Variants in XKR9 observed in about 807,000 individuals in gnomAD.
XKR9 encodes the protein XK-related protein 9.
Under a neutral mutation model 32.0 loss-of-function variants are expected in XKR9, and 32 were observed. The ratio of observed to expected loss-of-function variants is 1.00; its 90% CI spans 0.76 to 1.34. XKR9 has a LOEUF of 1.34. XKR9 is among the 40% of genes most tolerant of loss of function. The probability of loss-of-function intolerance (pLI) is 0.00; values close to 1 mark genes in which losing one functional copy is unlikely to be tolerated. For synonymous variants in XKR9, 168 were observed against 143.4 expected, an observed-to-expected ratio of 1.17 and a Z score of -1.22; for missense variants, 546 against 429.7, an observed-to-expected ratio of 1.27 and a Z score of -2.39.
intron 2 of XKR9, among the ~76,000 whole-genome samples, chr8:70,747,112 GTAT>G (rs1196978575): frequency 6.6e-6 from 1 of 152,136 alleles, no homozygotes; most frequent in Non-Finnish European, 1.5e-5. Flanking sequence ...TGGCTGTGTA[GTAT>G]TCTGTGGTGT....
the XKR9 span, among the ~76,000 whole-genome samples, chr8:70,970,865 A>C: frequency 6.6e-6 from 1 of 152,200 alleles, no homozygotes; most frequent in African/African-American, 2.4e-5. Context: ...AGGAGCGTAA[A>C]TTAGTTCAAT....
At chr8:71,040,616 C>A in the XKR9 span, among the ~76,000 whole-genome samples, 1 of 152,090 alleles carries the variant, frequency 6.6e-6, no homozygotes, top group South Asian at 2.1e-4. Context: ...GTCAAAATTA[C>A]TTTCTCCGTG....
At chr8:70,932,013 T>A in the XKR9 span, among the ~76,000 whole-genome samples, 1 of 152,134 alleles carries the variant, frequency 6.6e-6, no homozygotes, top group African/African-American at 2.4e-5. Flanking sequence ...TGTTCTTGAT[T>A]CTGTTGAGTA....
the XKR9 span, among the ~76,000 whole-genome samples, chr8:71,053,482 T>C: frequency 1.3e-5 from 2 of 152,198 alleles, no homozygotes; most frequent in Non-Finnish European, 2.9e-5. Flanking sequence ...AGCAGTGTAA[T>C]ATTAGGAAAT....
At chr8:70,944,456 A>G in the XKR9 span, among the ~76,000 whole-genome samples, 3 of 152,340 alleles carry the variant, frequency 2.0e-5, no homozygotes, top group South Asian at 6.2e-4. Flanking sequence ...AATTACCAAG[A>G]AAGAGGAGTA....
downstream of XKR9, among the ~76,000 whole-genome samples, chr8:70,736,500 T>C (rs1806866338): frequency 6.6e-6 from 1 of 152,246 alleles, no homozygotes; most frequent in Non-Finnish European, 1.5e-5. Context: ...TTTTGGCTTT[T>C]GTTGCCATTG....
chr8:70,999,435 A>G, the XKR9 span, among the ~76,000 whole-genome samples: 2 of 152,320 alleles, frequency 1.3e-5, no homozygotes, highest in African/African-American at 4.8e-5. Context: ...CACTGCTGGC[A>G]TTTTAGACAG....
At chr8:70,894,555 G>A in the XKR9 span, among the ~76,000 whole-genome samples, 1 of 152,140 alleles carries the variant, frequency 6.6e-6, no homozygotes, top group Admixed American at 6.5e-5. Context: ...TGTTGCTTCT[G>A]CTCAGGCCTT....
At chr8:70,675,705 T>C (rs1818860940) in intron 2 of XKR9, among the ~76,000 whole-genome samples, 1 of 152,194 alleles carries the variant, frequency 6.6e-6, no homozygotes, top group Non-Finnish European at 1.5e-5. Context: ...GCCAAGCTTT[T>C]TGCTGAGGCA....
the XKR9 span, among the ~76,000 whole-genome samples, chr8:70,995,303 C>T: frequency 2.0e-5 from 3 of 152,190 alleles, no homozygotes; most frequent in African/African-American, 7.2e-5. Context: ...TAAGAAATAA[C>T]TATGAATGCA....
the XKR9 span, among the ~76,000 whole-genome samples, chr8:71,038,897 C>A: frequency 6.6e-6 from 1 of 151,112 alleles, no homozygotes; most frequent in Non-Finnish European, 1.5e-5. Flanking sequence ...CTCCACCTCC[C>A]GGGTTCAAGA....
At chr8:71,003,489 T>A in the XKR9 span, among the ~76,000 whole-genome samples, 1 of 152,148 alleles carries the variant, frequency 6.6e-6, no homozygotes, top group South Asian at 2.1e-4. Context: ...TCCCATTAAC[T>A]TTCCACAAAT....
chr8:70,810,571 C>T, the XKR9 span, among the ~76,000 whole-genome samples: 2 of 151,978 alleles, frequency 1.3e-5, no homozygotes, highest in African/African-American at 4.8e-5. Context: ...CACACATAGA[C>T]TCAAAATAAA....
In XKR9 at chr8:70,707,078, T is replaced by G. The variant is rs1805746205; in HGVS notation, c.418T>G (p.Tyr140Asp). Residue 140 changes from tyrosine (Y) to aspartate (D), a missense_variant, in exon 4 of 5, where the codon TAC (tyrosine) becomes GAC (aspartate). By Grantham distance (160) the Tyr-to-Asp change is radical (BLOSUM62 -3). Coordinates refer to ENST00000408926, the MANE Select transcript of XKR9 (RefSeq NM_001011720.2). ...DLSMLRLFETYLEGCPQLILQ... is the reference protein window; with the variant it reads ...DLSMLRLFETDLEGCPQLILQ... ...GAGCATGCTCAGACTATTTGAGACC[T>G]ACCTGGAAGGCTGCCCACAACTTAT... The G allele has an allele frequency of 6.2e-7, 1 of 1,613,368 alleles. No individual in the cohort carries two copies. The highest frequency in any genetic ancestry group is 1.3e-5 in the African/African-American group (1 of 74,908).
intron 2 of XKR9, among the ~76,000 whole-genome samples, chr8:70,756,247 A>G (rs1391191302): frequency 2.0e-5 from 3 of 152,178 alleles, no homozygotes; most frequent in Non-Finnish European, 4.4e-5. Flanking sequence ...TTTTGTCAGT[A>G]CTACACTGTT....
the XKR9 span, among the ~76,000 whole-genome samples, chr8:70,809,018 C>T: frequency 3.3e-5 from 5 of 152,180 alleles, no homozygotes; most frequent in East Asian, 1.9e-4. Flanking sequence ...CCCTGACCCT[C>T]GAGTAGCCTA....
chr8:70,918,715 A>G, the XKR9 span, among the ~76,000 whole-genome samples: 1 of 150,998 alleles, frequency 6.6e-6, no homozygotes, highest in African/African-American at 2.4e-5. Context: ...TAAAAACAAA[A>G]ACAAAAAACT....
At chr8:70,788,156 T>C (rs1162342566) in intron 2 of XKR9, among the ~76,000 whole-genome samples, 1 of 152,090 alleles carries the variant, frequency 6.6e-6, no homozygotes, top group Non-Finnish European at 1.5e-5. Flanking sequence ...TTCTGTGTGA[T>C]TATGTCTGTT....
the XKR9 span, among the ~76,000 whole-genome samples, chr8:70,866,160 C>T: frequency 6.6e-6 from 1 of 152,170 alleles, no homozygotes; most frequent in African/African-American, 2.4e-5. Context: ...TTAATTCTCA[C>T]AACATGATCA....
Sources: gnomAD v4.1 joint callset for allele counts (sites outside exome capture counted in the v4.1 genomes callset) on GRCh38, gnomAD v4.1.1 for gene constraint, MANE v1.5 for transcripts, NCBI Gene and HGNC (gene_info 2026-07-23, HGNC 2026-07-21) for gene names.